The following VTI1A variants were observed in gnomAD, a reference collection of about 807,000 sequenced individuals.
The protein encoded by VTI1A is vesicle transport through interaction with t-SNAREs homolog 1A.
VTI1A carries 22 observed loss-of-function variants against 34.9 expected under a neutral mutation model. The ratio of observed to expected loss-of-function variants is 0.63; its 90% CI spans 0.45 to 0.90. VTI1A has a LOEUF of 0.90. Ranked by LOEUF, VTI1A falls within the 40% of genes least tolerant of loss-of-function variation. VTI1A has a pLI of 0.00. For missense variants in VTI1A, 268 were observed against 275.6 expected (o/e 0.97, Z 0.20); for synonymous variants, 87 against 97.3 (o/e 0.89, Z 0.62).
At chr10:112,818,769 T>C (rs1434435016), downstream of VTI1A, 1 of 182,400 alleles carries the variant, frequency 5.5e-6, no homozygotes, top group East Asian at 9.0e-5. Flanking sequence ...CTTTTTTTTA[T>C]TATTATTATT....
chr10:112,785,750 T>G (rs902402481), intron 7 of VTI1A, among the ~76,000 whole-genome samples: 1 of 152,184 alleles, frequency 6.6e-6, no homozygotes, highest in African/African-American at 2.4e-5. Context: ...TTGCCTTGGA[T>G]CCTTTGTCAA....
chr10:112,569,176 A>G (rs1259773538), intron 5 of VTI1A, among the ~76,000 whole-genome samples: 1 of 152,086 alleles, frequency 6.6e-6, no homozygotes, highest in Non-Finnish European at 1.5e-5. Flanking sequence ...GCTATGGGAA[A>G]AAAGGTGAAA....
chr10:112,519,885 T>G (rs1396078988), intron 3 of VTI1A, among the ~76,000 whole-genome samples: 1 of 152,068 alleles, frequency 6.6e-6, no homozygotes, highest in Non-Finnish European at 1.5e-5. Context: ...GGACAGATTT[T>G]CAATGAATGA....
Position 112,647,662 on chromosome 10 carries a change from G to A in VTI1A, c.428-20556G>A, listed in dbSNP as rs12219202. Among the ~76,000 whole-genome samples the A allele has an allele frequency of 9.9e-5, 15 of 152,220 alleles. No homozygotes were observed. The East Asian group carries it at 1.9e-3, about 20-fold the overall frequency. The stretch of plus-strand genomic sequence containing the variant: ...GTCAAGACTAAAAGTATGTTTTTCC[G>A]TAGTTTATGTATAGATTTGTTTATT... On this transcript the variant is annotated intron_variant, in intron 5 of 7. Transcript: ENST00000393077.
chr10:112,466,259 C>G (rs1564788346), intron 3 of VTI1A, among the ~76,000 whole-genome samples: 1 of 152,124 alleles, frequency 6.6e-6, no homozygotes. Flanking sequence ...CACTGTAAGA[C>G]CAACATCAAT....
At chr10:112,490,500 G>A (rs1848784950) in intron 3 of VTI1A, among the ~76,000 whole-genome samples, 1 of 152,006 alleles carries the variant, frequency 6.6e-6, no homozygotes, top group African/African-American at 2.4e-5. Context: ...TGTTTGTTGT[G>A]TAGGAGTTGT....
chr10:112,741,771 C>G (rs910510551), intron 7 of VTI1A, among the ~76,000 whole-genome samples: 1 of 152,006 alleles, frequency 6.6e-6, no homozygotes, highest in Non-Finnish European at 1.5e-5. Flanking sequence ...GGGGGAAATG[C>G]TTTTCAATTT....
At chr10:112,694,707 C>G (rs577326624) in intron 7 of VTI1A, among the ~76,000 whole-genome samples, 2 of 152,096 alleles carry the variant, frequency 1.3e-5, no homozygotes, top group South Asian at 4.2e-4. Context: ...GTGGATCAAG[C>G]CTTGTAATCC....
intron 1 of VTI1A, chr10:112,448,626 C>T (rs894766954): frequency 1.3e-5 from 2 of 152,214 alleles, no homozygotes; most frequent in Admixed American, 1.3e-4. Flanking sequence ...GAAATTGAAC[C>T]ATCATCTGGC....
chr10:112,519,262 A>G (rs964703286), intron 3 of VTI1A, among the ~76,000 whole-genome samples: 4 of 152,126 alleles, frequency 2.6e-5, no homozygotes, highest in Admixed American at 6.6e-5. Context: ...ACACATCTTA[A>G]TAGCTGGTGC....
intron 3 of VTI1A, among the ~76,000 whole-genome samples, chr10:112,466,150 A>G (rs1395428277): frequency 6.6e-6 from 1 of 152,202 alleles, no homozygotes; most frequent in African/African-American, 2.4e-5. Flanking sequence ...CCAAATTCAC[A>G]AGGAAAGTCA....
chr10:112,494,529 C>T (rs1306866933), intron 3 of VTI1A, among the ~76,000 whole-genome samples: 1 of 151,898 alleles, frequency 6.6e-6, no homozygotes, highest in East Asian at 1.9e-4. Context: ...TTCTTTCCTC[C>T]TCCTTTCCTC....
chr10:112,706,866 C>T (rs567507477), intron 7 of VTI1A, among the ~76,000 whole-genome samples: 227 of 152,300 alleles, frequency 1.5e-3, no homozygotes, highest in African/African-American at 5.3e-3. Context: ...CCCAACAGTT[C>T]TTTAAAGCAG....
At chr10:112,535,776 A>C (rs1169187930) in intron 4 of VTI1A, among the ~76,000 whole-genome samples, 1 of 152,220 alleles carries the variant, frequency 6.6e-6, no homozygotes, top group Non-Finnish European at 1.5e-5. Flanking sequence ...ATCAGCTGCT[A>C]CTGTAGTGTA....
chr10:112,538,284 G>A lies in VTI1A; in HGVS notation c.381G>A (p.Arg127=). ...HLLDNTERLE[R]SSRRLEAGYQ... ...TCGATAACACAGAGAGGCTGGAAAGGTCATCTCGGAGACTAGAGGCTGGAT... is the reference window on the plus strand; with the variant it reads ...TCGATAACACAGAGAGGCTGGAAAGATCATCTCGGAGACTAGAGGCTGGAT... Residue 127 remains arginine (R), a synonymous_variant, in exon 5 of 8, where the codon AGG becomes AGA. Coordinates refer to ENST00000393077, the MANE Select transcript of VTI1A (RefSeq NM_145206.4). 1.2e-6 allele frequency: 2 copies of A among 1,613,694 alleles called. No individual in the cohort carries two copies. The highest frequency in any genetic ancestry group is 1.7e-6 in the Non-Finnish European group (2 of 1,179,824).
intron 5 of VTI1A, among the ~76,000 whole-genome samples, chr10:112,541,227 T>C (rs1288307013): frequency 6.6e-6 from 1 of 152,192 alleles, no homozygotes; most frequent in East Asian, 1.9e-4. Context: ...TTAGGAACTA[T>C]AGCCTGATAT....
chr10:112,706,526 C>T (rs1039876134), intron 7 of VTI1A, among the ~76,000 whole-genome samples: 16 of 152,174 alleles, frequency 1.1e-4, no homozygotes, highest in Admixed American at 4.6e-4. Flanking sequence ...TTTTGCCATA[C>T]AGACTAGATT....
At chr10:112,825,792 T>G in the VTI1A span, 2 of 152,262 alleles carry the variant, frequency 1.3e-5, no homozygotes, top group Non-Finnish European at 2.9e-5. Flanking sequence ...CCAGCTTGTC[T>G]CTTCCGGCCA....
intron 7 of VTI1A, among the ~76,000 whole-genome samples, chr10:112,752,077 C>T (rs919460516): frequency 3.3e-5 from 5 of 152,206 alleles, no homozygotes; most frequent in African/African-American, 1.2e-4. Flanking sequence ...TCAGGTCTGT[C>T]TTCTCAAGCT....
Sources: allele counts gnomAD v4.1 joint callset (sites outside exome capture counted in the v4.1 genomes callset), GRCh38; gene constraint gnomAD v4.1.1; transcripts MANE v1.5; gene names NCBI Gene and HGNC (gene_info 2026-07-23, HGNC 2026-07-21).